Variants in MARCHF6 observed in about 807,000 individuals in gnomAD.
MARCHF6 encodes the protein E3 ubiquitin-protein ligase MARCHF6.
Under a neutral mutation model 133.7 loss-of-function variants are expected in MARCHF6, and 31 were observed. That is an observed-to-expected ratio of 0.23 (90% CI 0.17 to 0.31). The LOEUF (loss-of-function observed/expected upper bound fraction) is 0.31, where lower values mean the gene tolerates loss of function less well. MARCHF6 is among the 10% of genes least tolerant of loss of function. The pLI, the probability that MARCHF6 is intolerant of heterozygous loss-of-function variation, is 1.00. For missense variants in MARCHF6, 723 were observed against 1,121.6 expected, an observed-to-expected ratio of 0.64 and a Z score of 5.08; for synonymous variants, 395 against 402.5, an observed-to-expected ratio of 0.98 and a Z score of 0.22.
At chr5:10,366,215 G>A (rs902131604) in intron 1 of MARCHF6, among the ~76,000 whole-genome samples, 16 of 152,228 alleles carry the variant, frequency 1.1e-4, no homozygotes, top group Admixed American at 6.5e-4. Context: ...GAGCCACTGC[G>A]CCCAGCCTTG....
intron 1 of MARCHF6, among the ~76,000 whole-genome samples, chr5:10,363,329 C>T (rs939831586): frequency 2.0e-5 from 3 of 152,128 alleles, no homozygotes; most frequent in Admixed American, 6.6e-5. Context: ...AAAACAATAA[C>T]TCAGTTTTTA....
intron 12 of MARCHF6, 33 bp from the exon 13 acceptor site, chr5:10,402,351 A>G (rs1738592575): frequency 6.3e-7 from 1 of 1,578,140 alleles, no homozygotes; most frequent in Non-Finnish European, 8.7e-7. Context: ...TGTACCTTTA[A>G]ATACTCAGTT....
chr5:10,393,790 CT>C, intron 7 of MARCHF6, among the ~76,000 whole-genome samples: 1 of 152,318 alleles, frequency 6.6e-6, no homozygotes, highest in South Asian at 2.1e-4. Flanking sequence ...CTGCCAGATT[CT>C]TTCCTGGCTT....
At chr5:10,365,379 C>T (rs1736081952) in intron 1 of MARCHF6, among the ~76,000 whole-genome samples, 1 of 152,058 alleles carries the variant, frequency 6.6e-6, no homozygotes, top group African/African-American at 2.4e-5. Flanking sequence ...TGGCTCACCG[C>T]AACCTCCGCC....
At chr5:10,380,313 TAAA>T (rs1055826998) in intron 3 of MARCHF6, among the ~76,000 whole-genome samples, 5 of 152,176 alleles carry the variant, frequency 3.3e-5, no homozygotes, top group Non-Finnish European at 7.4e-5. Flanking sequence ...ATATTCATCA[TAAA>T]AAAGTCAATT....
Position 10,436,537 on chromosome 5 carries a change from CAAG to C in MARCHF6, c.*2857_*2859del, listed in dbSNP as rs985533217. ...TTTTATATTGGGTTAAAACAACCTT[CAAG>C]AAGGTTAACTAGGAAAGAAGACCTT... is the stretch of plus-strand genomic sequence containing the variant. On this transcript the variant is annotated 3_prime_UTR_variant, in exon 26 of 26. Transcript: ENST00000274140. The C allele has an allele frequency of 6.6e-6, 1 of 151,972 alleles. No individual in the cohort carries two copies. Among genetic ancestry groups the C allele is most frequent in the African/African-American group, 2.4e-5 (1 of 41,370 alleles). 9.4% of individuals were successfully genotyped at this position (151,972 alleles called of 1,614,324 possible).
At chr5:10,366,316 A>T (rs941869494) in intron 1 of MARCHF6, among the ~76,000 whole-genome samples, 1 of 152,250 alleles carries the variant, frequency 6.6e-6, no homozygotes, top group African/African-American at 2.4e-5. Context: ...TATATAGGTT[A>T]TCTGCAGACA....
At chr5:10,355,206 T>C (rs1735374522) in intron 1 of MARCHF6, among the ~76,000 whole-genome samples, 1 of 152,266 alleles carries the variant, frequency 6.6e-6, no homozygotes, top group African/African-American at 2.4e-5. Flanking sequence ...ACACTGAGTG[T>C]AGCTAATCGC....
chr5:10,405,403 G>A (rs1410144652), intron 15 of MARCHF6, among the ~76,000 whole-genome samples, 155 bp from the exon 16 acceptor site: 1 of 151,914 alleles, frequency 6.6e-6, no homozygotes, highest in Non-Finnish European at 1.5e-5. Flanking sequence ...TCTGGTTTAG[G>A]AACTTACTTT....
chr5:10,416,778 A>G (rs1399642877), intron 21 of MARCHF6, among the ~76,000 whole-genome samples: 1 of 152,210 alleles, frequency 6.6e-6, no homozygotes, highest in Non-Finnish European at 1.5e-5. Context: ...GAGCTGCACT[A>G]TCTGGTATAC....
At position 10,429,961 on chromosome 5, in the gene MARCHF6, T is replaced by C. The variant is rs947772687; in HGVS notation, c.2575T>C (p.Leu859=). 1 of 1,613,904 alleles carries C rather than the reference T, an allele frequency of 6.2e-7. No individual in the cohort carries two copies. The highest frequency in any genetic ancestry group is 8.5e-7 in the Non-Finnish European group (1 of 1,179,750). The part of the protein sequence containing the change: ...IYPFLLMVVV[L]MAILSFQVRQ... ...TCCATTTTTACTGATGGTCGTGGTATTGATGGCAATTTTGTCCTTCCAAGT... is the reference window on the plus strand; with the variant it reads ...TCCATTTTTACTGATGGTCGTGGTACTGATGGCAATTTTGTCCTTCCAAGT... Residue 859 remains leucine (L), a synonymous_variant, in exon 25 of 26, where the codon TTG becomes CTG. Coordinates refer to ENST00000274140, the MANE Select transcript of MARCHF6 (RefSeq NM_005885.4).
At chr5:10,372,132 T>G (rs1416908984) in intron 1 of MARCHF6, among the ~76,000 whole-genome samples, 2 of 152,050 alleles carry the variant, frequency 1.3e-5, no homozygotes, top group Non-Finnish European at 2.9e-5. Context: ...TAAAATTGAT[T>G]TTGAGAATAT....
chr5:10,405,244 TA>T (rs1738810106), intron 15 of MARCHF6, among the ~76,000 whole-genome samples: 1 of 152,170 alleles, frequency 6.6e-6, no homozygotes. Context: ...ATAACCCTTT[TA>T]CGATAGTAAT....
intron 22 of MARCHF6, among the ~76,000 whole-genome samples, chr5:10,423,220 G>A (rs770958558): frequency 6.6e-6 from 1 of 152,086 alleles, no homozygotes; most frequent in Non-Finnish European, 1.5e-5. Flanking sequence ...CTGGTGGAGA[G>A]CTGGAGGGTG....
At chr5:10,423,888 A>G (rs1478771150) in intron 23 of MARCHF6, 64 bp downstream of exon 23, 2 of 1,215,160 alleles carry the variant, frequency 1.6e-6, no homozygotes, top group African/African-American at 1.5e-5. Context: ...TTTGGCAGCT[A>G]TAACTCTTAT....
At chr5:10,354,653 A>G (rs1276317677) in intron 1 of MARCHF6, 1 of 152,166 alleles carries the variant, frequency 6.6e-6, no homozygotes, top group Admixed American at 6.5e-5. Context: ...CTTCAAACGC[A>G]TTTTCTTACC....
intron 1 of MARCHF6, among the ~76,000 whole-genome samples, chr5:10,367,404 T>A (rs548305465): frequency 1.3e-5 from 2 of 152,344 alleles, no homozygotes; most frequent in South Asian, 4.1e-4. Flanking sequence ...TCTCTTCATA[T>A]TTTCTGTAAG....
At chr5:10,410,489 C>G (rs1470404688) in intron 18 of MARCHF6, among the ~76,000 whole-genome samples, 1 of 150,388 alleles carries the variant, frequency 6.6e-6, no homozygotes, top group African/African-American at 2.4e-5. Flanking sequence ...ATCTTTTTGC[C>G]CTCTTATAGA....
chr5:10,425,567 A>C (rs184643633), intron 23 of MARCHF6, among the ~76,000 whole-genome samples: 4 of 152,346 alleles, frequency 2.6e-5, no homozygotes. Context: ...TGGGTTAACT[A>C]GGTGTCTTTG....
Sources: allele counts gnomAD v4.1 joint callset (sites outside exome capture counted in the v4.1 genomes callset), GRCh38; gene constraint gnomAD v4.1.1; transcripts MANE v1.5; gene names NCBI Gene and HGNC (gene_info 2026-07-23, HGNC 2026-07-21).